The following KIAA1328 variants were observed in gnomAD, a reference collection of about 807,000 sequenced individuals.
The protein encoded by KIAA1328 is protein hinderin.
In KIAA1328, 52 loss-of-function variants were observed where a neutral mutation model predicts 68.1. The observed-to-expected ratio is 0.76, with a 90% CI of 0.61 to 0.96. The LOEUF is 0.96. KIAA1328 is among the 40% of genes least tolerant of loss of function. The pLI is 0.00. For missense variants in KIAA1328, 641 were observed against 677.6 expected, an observed-to-expected ratio of 0.95 and a Z score of 0.60; for synonymous variants, 232 against 239.4, an observed-to-expected ratio of 0.97 and a Z score of 0.28.
At chr18:36,939,388 C>T (rs180823204) in intron 5 of KIAA1328, among the ~76,000 whole-genome samples, 63 of 151,696 alleles carry the variant, frequency 4.2e-4, no homozygotes, top group African/African-American at 1.4e-3. Flanking sequence ...TTTTCTTTTT[C>T]GGATAGTTTG....
chr18:37,137,128 C>G (rs2058663953), intron 7 of KIAA1328, among the ~76,000 whole-genome samples: 1 of 152,176 alleles, frequency 6.6e-6, no homozygotes, highest in African/African-American at 2.4e-5. Context: ...GAGATCTGCT[C>G]TAATCCCTAA....
intron 7 of KIAA1328, among the ~76,000 whole-genome samples, chr18:37,121,841 T>A (rs940150984): frequency 6.7e-6 from 1 of 149,506 alleles, no homozygotes; most frequent in African/African-American, 2.6e-5. Context: ...GGTGAATGCA[T>A]GAATGAAGGA....
intron 4 of KIAA1328, among the ~76,000 whole-genome samples, chr18:36,866,501 T>A (rs2047757950): frequency 1.3e-5 from 2 of 152,130 alleles, no homozygotes; most frequent in South Asian, 4.1e-4. Context: ...AAATTTCAGA[T>A]GAGAAAAAAG....
intron 5 of KIAA1328, among the ~76,000 whole-genome samples, chr18:36,944,584 A>AG (rs1268015616): frequency 1.3e-5 from 2 of 152,014 alleles, no homozygotes; most frequent in Admixed American, 6.6e-5. Flanking sequence ...GTCTCAAAAA[A>AG]AAAATACAAG....
chr18:36,975,494 T>A (rs945399749), intron 6 of KIAA1328, among the ~76,000 whole-genome samples: 6 of 152,222 alleles, frequency 3.9e-5, no homozygotes, highest in Non-Finnish European at 8.8e-5. Context: ...CAAGCTACAA[T>A]TCTAAACACC....
intron 9 of KIAA1328, among the ~76,000 whole-genome samples, chr18:37,174,687 A>G (rs2059566938): frequency 6.6e-6 from 1 of 150,974 alleles, no homozygotes; most frequent in African/African-American, 2.4e-5. Context: ...TCCACCTCCC[A>G]GGTTCACGCC....
At chr18:37,038,580 A>G (rs2055121772) in intron 6 of KIAA1328, among the ~76,000 whole-genome samples, 1 of 152,104 alleles carries the variant, frequency 6.6e-6, no homozygotes, top group African/African-American at 2.4e-5. Flanking sequence ...ACCTTGCTGA[A>G]CTTATTATTT....
chr18:36,949,272 C>T (rs1023851307), intron 5 of KIAA1328, among the ~76,000 whole-genome samples: 1 of 152,212 alleles, frequency 6.6e-6, no homozygotes, highest in South Asian at 2.1e-4. Context: ...AAGTTAGAAG[C>T]AAGAGAAAAT....
intron 6 of KIAA1328, among the ~76,000 whole-genome samples, chr18:36,963,522 G>A (rs1356426701): frequency 1.3e-5 from 2 of 152,150 alleles, no homozygotes; most frequent in Non-Finnish European, 2.9e-5. Flanking sequence ...TCTATTTACT[G>A]TTGAAATTGG....
chr18:36,877,728 G>A (rs1416124081), intron 4 of KIAA1328, among the ~76,000 whole-genome samples: 48 of 146,646 alleles, frequency 3.3e-4, no homozygotes, highest in Non-Finnish European at 5.4e-4. Flanking sequence ...GTGCAGTGGC[G>A]CGATCTCGAC....
At chr18:36,875,730 A>G (rs1255637437) in intron 4 of KIAA1328, among the ~76,000 whole-genome samples, 4 of 152,216 alleles carry the variant, frequency 2.6e-5, no homozygotes, top group African/African-American at 9.6e-5. Context: ...GAGAGAGGGC[A>G]TCCTTGTCTT....
At chr18:37,009,930 T>G (rs1328470470) in intron 6 of KIAA1328, among the ~76,000 whole-genome samples, 1 of 152,156 alleles carries the variant, frequency 6.6e-6, no homozygotes, top group Admixed American at 6.5e-5. Flanking sequence ...TATCTGAGAG[T>G]ATTTATTCAG....
intron 5 of KIAA1328, among the ~76,000 whole-genome samples, chr18:36,928,562 T>TTG (rs1468488924): frequency 6.6e-6 from 1 of 152,194 alleles, no homozygotes; most frequent in Non-Finnish European, 1.5e-5. Context: ...ATTGTTGCCA[T>TTG]TGGGGGGGAT....
chr18:37,076,443 C>A (rs529022595), intron 7 of KIAA1328, among the ~76,000 whole-genome samples: 1 of 151,822 alleles, frequency 6.6e-6, no homozygotes, highest in East Asian at 1.9e-4. Context: ...CAAGAGCAAA[C>A]ACATTCAAAA....
intron 7 of KIAA1328, among the ~76,000 whole-genome samples, chr18:37,095,722 T>C (rs968203709): frequency 6.7e-6 from 1 of 149,306 alleles, no homozygotes; most frequent in Non-Finnish European, 1.5e-5. Context: ...ATTGTATTTT[T>C]TGGAAAGATG....
intron 4 of KIAA1328, among the ~76,000 whole-genome samples, chr18:36,853,946 C>T (rs1247457576): frequency 6.6e-6 from 1 of 152,208 alleles, no homozygotes; most frequent in Non-Finnish European, 1.5e-5. Context: ...GCGTGAGCCA[C>T]TGCACCCGGC....
chr18:37,114,163 T>C (rs1259636278), intron 7 of KIAA1328, among the ~76,000 whole-genome samples: 11 of 152,192 alleles, frequency 7.2e-5, no homozygotes, highest in Admixed American at 7.2e-4. Context: ...GCAGACCTAA[T>C]AGACATCTAC....
At chr18:37,079,676 T>C (rs2151792311) in intron 7 of KIAA1328, among the ~76,000 whole-genome samples, 1 of 151,810 alleles carries the variant, frequency 6.6e-6, no homozygotes, top group South Asian at 2.1e-4. Context: ...TCACCTGGGA[T>C]CAGGAGTTTG....
intron 7 of KIAA1328, among the ~76,000 whole-genome samples, chr18:37,139,719 G>A (rs542727250): frequency 6.6e-6 from 1 of 152,252 alleles, no homozygotes; most frequent in African/African-American, 2.4e-5. Context: ...ATGGACATTT[G>A]TTTTTATTAT....
Sources: gnomAD v4.1 joint callset for allele counts (sites outside exome capture counted in the v4.1 genomes callset) on GRCh38, gnomAD v4.1.1 for gene constraint, MANE v1.5 for transcripts, NCBI Gene and HGNC (gene_info 2026-07-23, HGNC 2026-07-21) for gene names.